NBN: variants seen among roughly 807,000 people sequenced by gnomAD.
NBN encodes the protein Nijmegen breakage syndrome 1 (nibrin).
NBN carries 88 observed loss-of-function variants against 90.8 expected under a neutral mutation model. The ratio of observed to expected loss-of-function variants is 0.97; its 90% CI spans 0.82 to 1.16. The LOEUF (loss-of-function observed/expected upper bound fraction) is 1.16, where lower values mean the gene tolerates loss of function less well. Among genes scored for constraint, NBN ranks in the 50% most tolerant of loss-of-function variants. The pLI, the probability that NBN is intolerant of heterozygous loss-of-function variation, is 0.00. For missense variants in NBN, 894 were observed against 869.6 expected (o/e 1.03, Z -0.35); for synonymous variants, 328 against 295.1 (o/e 1.11, Z -1.14).
chr8:89,980,871 C>A lies in NBN; in HGVS notation c.343G>T (p.Ala115Ser), dbSNP rs876658434. The A allele has an allele frequency of 6.2e-7, 1 of 1,612,568 alleles. No homozygotes were observed. The highest frequency in any genetic ancestry group is 1.7e-5 in the Admixed American group (1 of 60,012). The change falls in exon 4 of 16, where the codon GCA becomes TCA. Residue 115 changes from alanine to serine, a missense_variant. By Grantham distance (99) the Ala-to-Ser change is moderately conservative. Coordinates refer to ENST00000265433, the MANE Select transcript of NBN (RefSeq NM_002485.5). ...KFRIEYEPLV[A>S]CSSCLDVSGK... Reference sequence around the variant, plus strand: ...GAGACATCTAAACAAGAAGAGCATGCAACCAAAGGCTCATACTCTATTCTG... The same window carrying A: ...GAGACATCTAAACAAGAAGAGCATGAAACCAAAGGCTCATACTCTATTCTG...
rs1811854596 is a variant in NBN, at chr8:89,978,099, C to T, written c.584+121G>A. The stretch of plus-strand genomic sequence containing the variant: ...AACAAAAAACCTTCCATTAATAATA[C>T]CGAACTATAACACAGCAACTATTAC... On this transcript the variant is annotated intron_variant, in intron 5 of 15. Transcript: ENST00000265433. The T allele has an allele frequency of 1.8e-5, 16 of 884,690 alleles. 1 individual carries two copies. In the South Asian group the frequency reaches 2.4e-4, roughly 13 times the overall value. The allele number at this position is 884,690 out of a possible 1,614,324, so 54.8% of individuals were successfully genotyped here. A position where few individuals can be genotyped will look rare whatever the true frequency, so the allele number is the denominator to read the frequency against.
rs13312893 is a variant in NBN at position 89,964,054 on chromosome 8, C to T, written c.994+356G>A. ...ACCTCCTGAGACTTTCCTTGAATAC[C>T]TATCTAAATAGCCTACTACCATCAC... On this transcript the variant is annotated intron_variant, in intron 8 of 15. Coordinates refer to ENST00000265433, the MANE Select transcript of NBN (RefSeq NM_002485.5). Among the ~76,000 whole-genome samples the T allele has an allele frequency of 7.6e-3, 1,161 of 152,266 alleles. 15 individuals are homozygous for T. The highest frequency in any genetic ancestry group is 0.027 in the African/African-American group (1,119 of 41,550).
At chr8:89,950,644 A>G (rs1810404070) in intron 11 of NBN, among the ~76,000 whole-genome samples, 1 of 152,232 alleles carries the variant, frequency 6.6e-6, no homozygotes, top group African/African-American at 2.4e-5. Flanking sequence ...AAACAGTAAA[A>G]TAAAGGAAAA....
intron 14 of NBN, among the ~76,000 whole-genome samples, chr8:89,938,998 G>A (rs1289412396): frequency 6.6e-6 from 1 of 152,148 alleles, no homozygotes; most frequent in Non-Finnish European, 1.5e-5. Flanking sequence ...AAACAGAAAT[G>A]CCTCATATTA....
chr8:89,936,892 A>T, intron 15 of NBN, 134 bp downstream of exon 15: 1 of 697,782 alleles, frequency 1.4e-6, no homozygotes, highest in Non-Finnish European at 2.5e-6. Flanking sequence ...AAGTAATAAA[A>T]ATAAACACTT....
intron 5 of NBN, among the ~76,000 whole-genome samples, chr8:89,976,016 C>CA (rs1554565614): frequency 4.0e-5 from 6 of 151,338 alleles, no homozygotes; most frequent in Non-Finnish European, 8.9e-5. Context: ...CTTTCAACTT[C>CA]TTTTTTTTTG....
intron 5 of NBN, among the ~76,000 whole-genome samples, chr8:89,973,950 T>C (rs1811629817): frequency 6.6e-6 from 1 of 152,176 alleles, no homozygotes; most frequent in Non-Finnish European, 1.5e-5. Context: ...CTGGTACATA[T>C]TATGAATCAT....
At chr8:89,969,225 G>A (rs1811390688) in intron 7 of NBN, among the ~76,000 whole-genome samples, 1 of 152,172 alleles carries the variant, frequency 6.6e-6, no homozygotes, top group Non-Finnish European at 1.5e-5. Flanking sequence ...ACAATGCTAA[G>A]ATTATTAATG....
At chr8:89,946,571 T>C (rs995983733) in intron 12 of NBN, 1 of 361,224 alleles carries the variant, frequency 2.8e-6, no homozygotes, top group Admixed American at 4.5e-5. Context: ...AACCTAGTAG[T>C]TATTCTAATA....
At chr8:89,954,151 A>G (rs1020079473) in intron 10 of NBN, among the ~76,000 whole-genome samples, 26 of 152,136 alleles carry the variant, frequency 1.7e-4, no homozygotes, top group African/African-American at 5.8e-4. Flanking sequence ...CTGACTGTAT[A>G]CTGCAAATGC....
chr8:89,978,355 T>C lies in NBN; in HGVS notation c.481-32A>G, dbSNP rs775666810. The C allele has an allele frequency of 4.5e-6, 7 of 1,552,210 alleles. No homozygotes were observed. The African/African-American group carries it at 8.2e-5, about 18-fold the overall frequency. On this transcript the variant is annotated intron_variant, in intron 4 of 15. Transcript: ENST00000265433. ...TGAAGAAAACATGTGAATATATATA[T>C]TCACATGCTAGCATTTTTTAAAGAA...
chr8:89,947,347 A>G (rs1351707774), intron 12 of NBN, among the ~76,000 whole-genome samples: 2 of 152,126 alleles, frequency 1.3e-5, no homozygotes, highest in Non-Finnish European at 1.5e-5. Flanking sequence ...CGATCTATCC[A>G]GGCCGTGCAT....
At chr8:89,969,314 T>A (rs1398704821) in intron 7 of NBN, among the ~76,000 whole-genome samples, 49 of 152,252 alleles carry the variant, frequency 3.2e-4, no homozygotes. Flanking sequence ...TTTCAACCTA[T>A]CTGACTTTTT....
At chr8:89,982,948 G>A (rs112648639) in intron 1 of NBN, 93 bp from the exon 2 acceptor site, 2 of 1,286,100 alleles carry the variant, frequency 1.6e-6, no homozygotes, top group East Asian at 2.4e-5. Flanking sequence ...TATGATATAG[G>A]TATGACAAAT....
chr8:89,966,958 A>C (rs1436671806), intron 7 of NBN, among the ~76,000 whole-genome samples: 1 of 152,230 alleles, frequency 6.6e-6, no homozygotes, highest in Non-Finnish European at 1.5e-5. Flanking sequence ...CTAGTAAAAA[A>C]CATAGGTGAG....
chr8:89,945,457 C>A (rs1810143571), intron 13 of NBN, among the ~76,000 whole-genome samples: 1 of 152,094 alleles, frequency 6.6e-6, no homozygotes, highest in Non-Finnish European at 1.5e-5. Flanking sequence ...TCTACTACCT[C>A]ACAGTCATGG....
intron 14 of NBN, among the ~76,000 whole-genome samples, chr8:89,938,359 C>A (rs1230230485): frequency 2.0e-5 from 3 of 152,030 alleles, no homozygotes; most frequent in African/African-American, 4.8e-5. Context: ...TTGCAGTTTC[C>A]AAAAACCTAC....
chr8:89,955,593 G>A (rs1401383105), intron 9 of NBN, 38 bp from the exon 10 acceptor site: 2 of 1,595,824 alleles, frequency 1.3e-6, no homozygotes, highest in African/African-American at 2.7e-5. Context: ...AAATAATCAA[G>A]TTTACAGCAA....
At chr8:89,962,226 C>G (rs903191004) in intron 8 of NBN, among the ~76,000 whole-genome samples, 5 of 151,872 alleles carry the variant, frequency 3.3e-5, no homozygotes, top group African/African-American at 1.2e-4. Flanking sequence ...GGACAATGTA[C>G]GTTTGTATTC....
Sources: gnomAD v4.1 joint callset for allele counts (sites outside exome capture counted in the v4.1 genomes callset) on GRCh38, gnomAD v4.1.1 for gene constraint, MANE v1.5 for transcripts, NCBI Gene and HGNC (gene_info 2026-07-23, HGNC 2026-07-21) for gene names.